STARD9: variants seen among roughly 807,000 people sequenced by gnomAD.
STARD9 encodes the protein StAR related lipid transfer domain containing 9, also known as stAR-related lipid transfer protein 9.
A neutral mutation model predicts 399.8 loss-of-function variants in STARD9; 346 were observed. That is an observed-to-expected ratio of 0.87 (90% CI 0.79 to 0.95). STARD9 has a LOEUF of 0.95. Among genes scored for constraint, STARD9 ranks in the 40% least tolerant of loss-of-function variants. The probability of loss-of-function intolerance (pLI) is 0.00; values close to 1 mark genes in which losing one functional copy is unlikely to be tolerated. For synonymous variants in STARD9, 2,203 were observed against 2,143.5 expected (o/e 1.03, Z -0.77); for missense variants, 5,832 against 5,667.5 (o/e 1.03, Z -0.93).
intron 2 of STARD9, among the ~76,000 whole-genome samples, chr15:42,585,174 A>G (rs2058250194): frequency 6.6e-6 from 1 of 152,192 alleles, no homozygotes. Context: ...AAAAATTCCG[A>G]AACAGTTCTG....
At chr15:42,681,285 C>A in intron 20 of STARD9, 137 bp from the exon 21 acceptor site, 1 of 817,244 alleles carries the variant, frequency 1.2e-6, no homozygotes, top group Non-Finnish European at 1.8e-6. Context: ...CCTGTTTGTC[C>A]AAGGTTGCCA....
At chr15:42,659,382 C>A (rs554577528) in intron 9 of STARD9, among the ~76,000 whole-genome samples, 1 of 152,318 alleles carries the variant, frequency 6.6e-6, no homozygotes, top group East Asian at 1.9e-4. Context: ...TGAGATACCA[C>A]TACCCACCTT....
At position 42,674,424 on chromosome 15, in the gene STARD9, T is replaced by C; in HGVS notation, c.1498-16T>C. 1 of 1,534,156 alleles carries C rather than the reference T, an allele frequency of 6.5e-7. No homozygotes were observed. ...CCCTTTTAATTCTCATTAAAATGGC[T>C]TTTTTCCCCCTTTAGGAAGGGACAA... is the stretch of plus-strand genomic sequence containing the variant. On this transcript the variant is annotated splice_polypyrimidine_tract_variant and intron_variant, in intron 16 of 32. Transcript: ENST00000290607.
chr15:42,695,660 G>A, intron 25 of STARD9, 83 bp from the exon 26 acceptor site: 1 of 1,443,708 alleles, frequency 6.9e-7, no homozygotes, highest in Non-Finnish European at 9.2e-7. Flanking sequence ...GCAGGGAAGG[G>A]GTGGCTTTGG....
chr15:42,659,341 G>A (rs1467076489), intron 9 of STARD9, among the ~76,000 whole-genome samples: 2 of 152,120 alleles, frequency 1.3e-5, no homozygotes, highest in Non-Finnish European at 2.9e-5. Context: ...CAACATCCTT[G>A]TTCATTAGGG....
intron 3 of STARD9, among the ~76,000 whole-genome samples, chr15:42,628,048 C>T (rs2059260265): frequency 6.6e-6 from 1 of 152,116 alleles, no homozygotes; most frequent in South Asian, 2.1e-4. Flanking sequence ...TACATTCCCA[C>T]CAATAGTGTA....
rs1407858315 is a variant in STARD9 at position 42,690,502 on chromosome 15, T to A, written c.8924T>A (p.Leu2975Gln). Residue 2975 changes from leucine to glutamine, a missense_variant, in exon 23 of 33, where the codon CTG becomes CAG. Leu to Gln is a moderately radical substitution (Grantham distance 113). This residue lies in a region of STARD9 where 5,828 missense variants were observed against 5,651.1 expected (regional missense o/e 1.03). Coordinates refer to ENST00000290607, the MANE Select transcript of STARD9 (RefSeq NM_020759.3). ...HAYSSHSSTL[L>Q]CFRDGDLGKE... ...TATTCCTCCCATTCCTCTACTTTAC[T>A]GTGTTTTAGAGATGGTGACCTAGGG... 41 of 1,537,112 alleles carry A rather than the reference T, an allele frequency of 2.7e-5. No homozygotes were observed. In the East Asian group the frequency reaches 9.8e-4, roughly 37 times the overall value.
chr15:42,583,260 TATTTTG>T, intron 1 of STARD9, 80 bp from the exon 2 acceptor site: 1 of 955,046 alleles, frequency 1.0e-6, no homozygotes, highest in East Asian at 2.6e-5. Flanking sequence ...AGTAGGGAAA[TATTTTG>T]TCCCACTAGC....
At chr15:42,672,013 G>A (rs1450336502) in intron 16 of STARD9, 1 of 152,210 alleles carries the variant, frequency 6.6e-6, no homozygotes, top group Non-Finnish European at 1.5e-5. Context: ...ATTTCTGGTG[G>A]ACCTGGGTGA....
chr15:42,648,756 T>C (rs1044031452), intron 7 of STARD9, among the ~76,000 whole-genome samples: 5 of 152,128 alleles, frequency 3.3e-5, no homozygotes, highest in African/African-American at 1.2e-4. Flanking sequence ...CTTTCCCTTT[T>C]TTCCCCCCTT....
At chr15:42,601,465 C>A (rs1227887038) in intron 3 of STARD9, among the ~76,000 whole-genome samples, 1 of 151,488 alleles carries the variant, frequency 6.6e-6, no homozygotes, top group East Asian at 1.9e-4. Flanking sequence ...CCCCAACCTC[C>A]CAGACGGGGC....
chr15:42,675,559 AG>A (rs1330802148), intron 18 of STARD9, 104 bp from the exon 19 acceptor site: 1 of 811,036 alleles, frequency 1.2e-6, no homozygotes, highest in Non-Finnish European at 2.0e-6. Context: ...CAAAATTATC[AG>A]TTATCGAGGG....
intron 2 of STARD9, among the ~76,000 whole-genome samples, chr15:42,583,835 C>T (rs577790650): frequency 3.3e-4 from 50 of 152,012 alleles, no homozygotes; most frequent in Non-Finnish European, 7.1e-4. Context: ...GTAGTATGCA[C>T]CTGGTAATGC....
chr15:42,657,231 G>A (rs1239416752), intron 9 of STARD9, among the ~76,000 whole-genome samples: 1 of 151,848 alleles, frequency 6.6e-6, no homozygotes, highest in Non-Finnish European at 1.5e-5. Flanking sequence ...ATGGTGGTGA[G>A]CGCTTGTAGT....
chr15:42,577,625 G>A (rs2141634674), intron 1 of STARD9, among the ~76,000 whole-genome samples: 1 of 152,344 alleles, frequency 6.6e-6, no homozygotes, highest in East Asian at 1.9e-4. Context: ...GTGGTAGGAT[G>A]TCAAGACTGT....
intron 26 of STARD9, among the ~76,000 whole-genome samples, chr15:42,698,878 T>C (rs2060900567): frequency 6.6e-6 from 1 of 152,162 alleles, no homozygotes; most frequent in African/African-American, 2.4e-5. Flanking sequence ...TGTTAGACAG[T>C]TTATCTTTGC....
In STARD9 at chr15:42,694,709, G is replaced by A. The variant is rs2060802079; in HGVS notation, c.12946G>A (p.Val4316Ile). Reference protein sequence around the residue: ...REYLQQLRKDVVETTRSPESV... With the variant: ...REYLQQLRKDIVETTRSPESV... ...ATACCTGCAGCAACTGAGGAAGGAT[G>A]TTGTGGAGACCACCAGGTAGTGTGG... Residue 4316 changes from valine (V) to isoleucine (I), a missense_variant, in exon 24 of 33, where the codon GTT (valine) becomes ATT (isoleucine). Around this residue, in one of 2 missense-constraint regions of STARD9, gnomAD observed 5,828 missense variants for 5,651.1 expected, o/e 1.03. Coordinates refer to ENST00000290607, the MANE Select transcript of STARD9 (RefSeq NM_020759.3). 6.5e-7 allele frequency: 1 copy of A among 1,537,220 alleles called. No homozygotes were observed. Among genetic ancestry groups the A allele is most frequent in the Middle Eastern group, 1.7e-4 (1 of 5,988 alleles).
chr15:42,677,244 A>G (rs1316886458), intron 20 of STARD9, among the ~76,000 whole-genome samples: 1 of 152,176 alleles, frequency 6.6e-6, no homozygotes, highest in Non-Finnish European at 1.5e-5. Flanking sequence ...AGCCTGGGCG[A>G]CAGGGCGAGA....
At chr15:42,632,793 G>A (rs1369137218) in intron 3 of STARD9, among the ~76,000 whole-genome samples, 2 of 152,270 alleles carry the variant, frequency 1.3e-5, no homozygotes, top group Admixed American at 1.3e-4. Context: ...AGTAAGCTAT[G>A]ACTGTGCCAC....
Sources: allele counts gnomAD v4.1 joint callset (sites outside exome capture counted in the v4.1 genomes callset), GRCh38; gene constraint gnomAD v4.1.1; regional missense constraint gnomAD v4.1.1; transcripts MANE v1.5; gene names NCBI Gene and HGNC (gene_info 2026-07-23, HGNC 2026-07-21).